Variants in BMP6 observed in about 807,000 individuals in gnomAD.
BMP6 encodes VG-1-R.
A neutral mutation model predicts 54.1 loss-of-function variants in BMP6; 17 were observed. The observed-to-expected ratio is 0.31, with a 90% confidence interval of 0.22 to 0.47. BMP6 has a LOEUF of 0.47. Among genes scored for constraint, BMP6 ranks in the 20% least tolerant of loss-of-function variants. The pLI, the probability that BMP6 is intolerant of heterozygous loss-of-function variation, is 1.00. For missense variants in BMP6, 720 were observed against 690.4 expected (o/e 1.04, Z -0.48); for synonymous variants, 328 against 291.2 (o/e 1.13, Z -1.28).
chr6:7,816,546 G>A (rs114303551), intron 1 of BMP6, among the ~76,000 whole-genome samples: 1,843 of 152,286 alleles, frequency 0.012, 42 homozygotes, highest in African/African-American at 0.043. Flanking sequence ...ACCAGTAGGG[G>A]AGATGAAGTT....
intron 1 of BMP6, among the ~76,000 whole-genome samples, chr6:7,809,096 A>T (rs964332463): frequency 2.1e-5 from 3 of 139,952 alleles, no homozygotes; most frequent in African/African-American, 5.6e-5. Context: ...CAATGGGCGT[A>T]TAGTACCCCC....
chr6:7,740,255 C>T (rs1762021848), intron 1 of BMP6, among the ~76,000 whole-genome samples: 1 of 152,156 alleles, frequency 6.6e-6, no homozygotes, highest in Admixed American at 6.5e-5. Flanking sequence ...TGCCTCCTCA[C>T]GTGTTTGCCT....
chr6:7,794,498 G>A (rs1035104375), intron 1 of BMP6, among the ~76,000 whole-genome samples: 2 of 151,722 alleles, frequency 1.3e-5, no homozygotes, highest in Admixed American at 6.6e-5. Context: ...TCCTCCAGAG[G>A]CTGAGGCAGA....
intron 1 of BMP6, among the ~76,000 whole-genome samples, chr6:7,772,884 A>G (rs981767379): frequency 6.6e-6 from 1 of 151,922 alleles, no homozygotes; most frequent in East Asian, 1.9e-4. Context: ...TGAACATTTG[A>G]TCTGATTACT....
intron 1 of BMP6, among the ~76,000 whole-genome samples, chr6:7,825,045 A>C (rs1758671110): frequency 1.3e-5 from 2 of 152,210 alleles, no homozygotes. Flanking sequence ...CAGCTGGATG[A>C]GGTGCTCATG....
At chr6:7,790,257 G>A (rs867931612) in intron 1 of BMP6, among the ~76,000 whole-genome samples, 45 of 152,208 alleles carry the variant, frequency 3.0e-4, no homozygotes, top group Middle Eastern at 6.8e-3. Flanking sequence ...GCTCACGCCC[G>A]TAACCCTCAC....
chr6:7,879,924 C>T (rs2113299533), intron 5 of BMP6, 67 bp from the exon 6 acceptor site: 1 of 1,492,666 alleles, frequency 6.7e-7, no homozygotes, highest in Non-Finnish European at 9.3e-7. Flanking sequence ...CACAGCATTC[C>T]TGAAAAGCAC....
intron 1 of BMP6, among the ~76,000 whole-genome samples, chr6:7,810,003 G>A (rs1311515949): frequency 1.3e-5 from 2 of 152,160 alleles, no homozygotes; most frequent in Admixed American, 1.3e-4. Context: ...TGCACAGCTA[G>A]AGAATGTTAG....
chr6:7,869,248 C>T (rs1332849428), intron 4 of BMP6, among the ~76,000 whole-genome samples: 1 of 152,242 alleles, frequency 6.6e-6, no homozygotes, highest in East Asian at 1.9e-4. Context: ...CTATGGGCCT[C>T]TCCTGGCCTC....
chr6:7,822,683 T>C (rs543017955), intron 1 of BMP6, among the ~76,000 whole-genome samples: 133 of 152,262 alleles, frequency 8.7e-4, no homozygotes, highest in African/African-American at 3.1e-3. Flanking sequence ...CACTACCTTT[T>C]AGATTCTCCA....
intron 2 of BMP6, among the ~76,000 whole-genome samples, chr6:7,847,905 A>G (rs1581275346): frequency 6.6e-6 from 1 of 152,366 alleles, no homozygotes; most frequent in Non-Finnish European, 1.5e-5. Context: ...ACTTTACTCA[A>G]AAGTTGAGAA....
At chr6:7,805,781 C>T (rs961102236) in intron 1 of BMP6, among the ~76,000 whole-genome samples, 3 of 152,166 alleles carry the variant, frequency 2.0e-5, no homozygotes, top group East Asian at 1.9e-4. Flanking sequence ...TTCTGAGGGT[C>T]GGTAGAGATG....
intron 1 of BMP6, among the ~76,000 whole-genome samples, chr6:7,800,079 GGTGTGTGTGTGTGTGT>G (rs72469855): frequency 3.0e-4 from 44 of 145,158 alleles, no homozygotes; most frequent in African/African-American, 6.6e-4. Context: ...TAAAGGAAGG[GGTGTGTGTGTGTGTGT>G]GTGTGTGTGT....
intron 1 of BMP6, among the ~76,000 whole-genome samples, chr6:7,842,047 C>G (rs999753631): frequency 6.6e-6 from 1 of 152,142 alleles, no homozygotes; most frequent in Non-Finnish European, 1.5e-5. Flanking sequence ...CAATTTATCC[C>G]CTTCCTGGCA....
intron 1 of BMP6, among the ~76,000 whole-genome samples, chr6:7,833,232 G>A (rs1182502860): frequency 1.3e-5 from 2 of 152,202 alleles, no homozygotes; most frequent in African/African-American, 4.8e-5. Flanking sequence ...AGACACTTGT[G>A]ACTCTTGAAC....
At chr6:7,856,368 AT>A (rs536379157) in intron 2 of BMP6, among the ~76,000 whole-genome samples, 12 of 151,696 alleles carry the variant, frequency 7.9e-5, no homozygotes, top group African/African-American at 2.7e-4. Flanking sequence ...ATGAAAATGG[AT>A]TTTTTTTACT....
chr6:7,817,932 A>T (rs1758555076), intron 1 of BMP6, among the ~76,000 whole-genome samples: 1 of 152,238 alleles, frequency 6.6e-6, no homozygotes, highest in African/African-American at 2.4e-5. Context: ...ATGGCAAGCC[A>T]TCAGTCAGCT....
intron 1 of BMP6, among the ~76,000 whole-genome samples, chr6:7,768,704 T>C (rs1301458756): frequency 6.6e-6 from 1 of 152,234 alleles, no homozygotes; most frequent in Non-Finnish European, 1.5e-5. Flanking sequence ...CTGTCCAGTC[T>C]GCACAGGGAC....
At chr6:7,823,384 GAGA>G (rs1318395652) in intron 1 of BMP6, among the ~76,000 whole-genome samples, 1 of 152,090 alleles carries the variant, frequency 6.6e-6, no homozygotes, top group Non-Finnish European at 1.5e-5. Context: ...CAATAAATTT[GAGA>G]AGGTTACTCA....
Sources: gnomAD v4.1 joint callset for allele counts (sites outside exome capture counted in the v4.1 genomes callset) on GRCh38, gnomAD v4.1.1 for gene constraint, MANE v1.5 for transcripts, NCBI Gene and HGNC (gene_info 2026-07-23, HGNC 2026-07-21) for gene names.